ME1: variants seen among roughly 807,000 people sequenced by gnomAD.
ME1 encodes NADP-dependent malic enzyme.
A neutral mutation model predicts 66.4 loss-of-function variants in ME1; 74 were observed. That is an observed-to-expected ratio of 1.11 (90% CI 0.92 to 1.35). The LOEUF is 1.35. Among genes scored for constraint, ME1 ranks in the 40% most tolerant of loss-of-function variants. The probability of loss-of-function intolerance (pLI) is 0.00; values close to 1 mark genes in which losing one functional copy is unlikely to be tolerated. For synonymous variants in ME1, 251 were observed against 235.6 expected (o/e 1.07, Z -0.60); for missense variants, 750 against 694.1 (o/e 1.08, Z -0.90).
At chr6:83,229,011 T>C in intron 9 of ME1, 80 bp from the exon 10 acceptor site, 2 of 852,804 alleles carry the variant, frequency 2.3e-6, no homozygotes. Flanking sequence ...ATATTACAAA[T>C]ATTTATGCTT....
intron 5 of ME1, among the ~76,000 whole-genome samples, chr6:83,324,107 A>G (rs940942981): frequency 2.6e-5 from 4 of 152,132 alleles, no homozygotes; most frequent in Non-Finnish European, 4.4e-5. Context: ...TAATGAAATT[A>G]AGGCAGAAAT....
chr6:83,285,889 C>G (rs957015418), intron 6 of ME1, among the ~76,000 whole-genome samples: 1 of 152,076 alleles, frequency 6.6e-6, no homozygotes, highest in Non-Finnish European at 1.5e-5. Context: ...AACTGAATAA[C>G]CGAGTTTTCC....
intron 7 of ME1, among the ~76,000 whole-genome samples, chr6:83,248,449 A>T (rs1562459043): frequency 6.6e-6 from 1 of 152,176 alleles, no homozygotes; most frequent in African/African-American, 2.4e-5. Context: ...GCACTTTATC[A>T]TTATTATACA....
chr6:83,342,781 G>A (rs1768613388), intron 5 of ME1, among the ~76,000 whole-genome samples: 1 of 152,046 alleles, frequency 6.6e-6, no homozygotes, highest in African/African-American at 2.4e-5. Context: ...TCCATCCCTG[G>A]GTTCAAGCGA....
At chr6:83,241,660 G>T (rs1337444675) in intron 7 of ME1, among the ~76,000 whole-genome samples, 2 of 152,104 alleles carry the variant, frequency 1.3e-5, no homozygotes, top group Non-Finnish European at 2.9e-5. Flanking sequence ...CATGATTCTT[G>T]TACATGGCCT....
intron 12 of ME1, among the ~76,000 whole-genome samples, chr6:83,218,249 C>T (rs1790028139): frequency 2.0e-5 from 3 of 152,108 alleles, no homozygotes; most frequent in Admixed American, 1.3e-4. Flanking sequence ...ACAGCCACCC[C>T]CTTCCAGAAG....
intron 1 of ME1, among the ~76,000 whole-genome samples, chr6:83,420,986 G>C (rs1770254003): frequency 6.6e-6 from 1 of 151,796 alleles, no homozygotes; most frequent in African/African-American, 2.4e-5. Context: ...CAAAAGAAGG[G>C]GAAAGAAAGA....
At chr6:83,215,482 C>T (rs1789972608) in intron 13 of ME1, among the ~76,000 whole-genome samples, 1 of 152,180 alleles carries the variant, frequency 6.6e-6, no homozygotes, top group African/African-American at 2.4e-5. Flanking sequence ...AAACTGTGTT[C>T]CTCCCACCCC....
chr6:83,419,435 C>T (rs1287408941), intron 1 of ME1, among the ~76,000 whole-genome samples: 11 of 152,168 alleles, frequency 7.2e-5, no homozygotes, highest in Non-Finnish European at 1.5e-4. Context: ...AACATTATCT[C>T]CTATCTACCA....
chr6:83,245,555 A>G (rs754715197), intron 7 of ME1, among the ~76,000 whole-genome samples: 1 of 152,014 alleles, frequency 6.6e-6, no homozygotes, highest in Non-Finnish European at 1.5e-5. Flanking sequence ...ACAGGCATGC[A>G]CCATCATGCC....
At chr6:83,296,620 C>T (rs748311432) in intron 6 of ME1, among the ~76,000 whole-genome samples, 1 of 152,180 alleles carries the variant, frequency 6.6e-6, no homozygotes, top group Non-Finnish European at 1.5e-5. Flanking sequence ...GACAAGGATG[C>T]CCTCTCTCAC....
At chr6:83,243,537 CTATTA>C (rs1326987339) in intron 7 of ME1, among the ~76,000 whole-genome samples, 1 of 67,100 alleles carries the variant, frequency 1.5e-5, no homozygotes, top group Non-Finnish European at 2.8e-5. Flanking sequence ...TCGATATAAT[CTATTA>C]TAATTATATT....
At chr6:83,360,167 C>T (rs1391943340) in intron 3 of ME1, among the ~76,000 whole-genome samples, 2 of 152,170 alleles carry the variant, frequency 1.3e-5, no homozygotes, top group Non-Finnish European at 2.9e-5. Flanking sequence ...CCCACAATCC[C>T]TTGAATGAAA....
chr6:83,325,254 T>C (rs1274492059), intron 5 of ME1, among the ~76,000 whole-genome samples: 3 of 152,122 alleles, frequency 2.0e-5, no homozygotes, highest in Non-Finnish European at 2.9e-5. Flanking sequence ...CCACAGCCAA[T>C]ATCATACTGA....
intron 1 of ME1, among the ~76,000 whole-genome samples, chr6:83,428,389 C>CAT (rs1472141215): frequency 1.3e-5 from 2 of 152,042 alleles, no homozygotes; most frequent in Non-Finnish European, 2.9e-5. Flanking sequence ...GTGTCTCTTT[C>CAT]ATATATATAT....
chr6:83,255,353 A>G (rs745956393), intron 6 of ME1, among the ~76,000 whole-genome samples: 36 of 152,060 alleles, frequency 2.4e-4, no homozygotes, highest in Non-Finnish European at 4.3e-4. Context: ...CTAATCTAGT[A>G]CACTGTGCCA....
intron 6 of ME1, among the ~76,000 whole-genome samples, chr6:83,293,688 G>A (rs1056773870): frequency 1.1e-4 from 17 of 152,176 alleles, no homozygotes; most frequent in African/African-American, 3.6e-4. Context: ...GTGAAATGAA[G>A]TAAGCGAAAG....
intron 7 of ME1, among the ~76,000 whole-genome samples, chr6:83,242,722 A>G (rs1790532150): frequency 6.6e-6 from 1 of 152,196 alleles, no homozygotes; most frequent in Non-Finnish European, 1.5e-5. Context: ...AAAATTAAAA[A>G]GACTAAGAGA....
intron 4 of ME1, among the ~76,000 whole-genome samples, chr6:83,348,372 A>C (rs1470232463): frequency 6.6e-6 from 1 of 152,198 alleles, no homozygotes; most frequent in African/African-American, 2.4e-5. Flanking sequence ...TATCGTTGAT[A>C]ATATATACTT....
Sources: gnomAD v4.1 joint callset for allele counts (sites outside exome capture counted in the v4.1 genomes callset) on GRCh38, gnomAD v4.1.1 for gene constraint, MANE v1.5 for transcripts, NCBI Gene and HGNC (gene_info 2026-07-23, HGNC 2026-07-21) for gene names.